UGT8: variants seen among roughly 807,000 people sequenced by gnomAD.
UGT8 encodes UDP glycosyltransferase 8.
Under a neutral mutation model 40.5 loss-of-function variants are expected in UGT8, and 12 were observed. The observed-to-expected ratio is 0.30, with a 90% CI of 0.19 to 0.48. The LOEUF (loss-of-function observed/expected upper bound fraction) is 0.48, where lower values mean the gene tolerates loss of function less well. Ranked by LOEUF, UGT8 falls within the 20% of genes least tolerant of loss-of-function variation. The pLI is 0.99. For synonymous variants in UGT8, 224 were observed against 240.4 expected, an observed-to-expected ratio of 0.93 and a Z score of 0.63; for missense variants, 513 against 648.7, an observed-to-expected ratio of 0.79 and a Z score of 2.27.
At chr4:114,636,529 A>G (rs752811160) in intron 2 of UGT8, among the ~76,000 whole-genome samples, 4 of 152,246 alleles carry the variant, frequency 2.6e-5, no homozygotes, top group Non-Finnish European at 5.9e-5. Flanking sequence ...TGAATGTGGC[A>G]ATATTTAACA....
chr4:114,622,763 T>TG (rs1731900301), intron 1 of UGT8, 116 bp from the exon 2 acceptor site: 2 of 996,406 alleles, frequency 2.0e-6, no homozygotes, highest in South Asian at 3.9e-5. Context: ...TTCATGATTT[T>TG]TTTTTTAGAC....
chr4:114,614,483 T>TTAA (rs1731275569), intron 1 of UGT8, among the ~76,000 whole-genome samples: 2 of 152,186 alleles, frequency 1.3e-5, no homozygotes, highest in African/African-American at 4.8e-5. Context: ...TATGCTCTTT[T>TTAA]AAATGAGTTT....
At chr4:114,622,156 C>T (rs2126097169) in intron 1 of UGT8, among the ~76,000 whole-genome samples, 1 of 142,762 alleles carries the variant, frequency 7.0e-6, no homozygotes, top group East Asian at 2.2e-4. Flanking sequence ...CTCCTGTGTC[C>T]ATGTGTTCCC....
At chr4:114,647,356 T>TTGTGTGTGTGTGTG (rs34575248) in intron 2 of UGT8, among the ~76,000 whole-genome samples, 5 of 143,198 alleles carry the variant, frequency 3.5e-5, no homozygotes, top group Admixed American at 7.0e-5. Flanking sequence ...ATTAGCTCTT[T>TTGTGTGTGTGTGTG]TGTGTGTGTG....
At chr4:114,601,677 T>A (rs1158676540) in intron 1 of UGT8, among the ~76,000 whole-genome samples, 1 of 152,204 alleles carries the variant, frequency 6.6e-6, no homozygotes, top group East Asian at 1.9e-4. Context: ...TATAAGTTAT[T>A]CTTTCTTGTT....
intron 4 of UGT8, 28 bp downstream of exon 4, chr4:114,665,784 T>G: frequency 6.4e-7 from 1 of 1,570,792 alleles, no homozygotes; most frequent in South Asian, 1.2e-5. Flanking sequence ...GGTTACTTAC[T>G]TGGCTGTTAG....
intron 1 of UGT8, among the ~76,000 whole-genome samples, chr4:114,621,895 G>A (rs1731815167): frequency 6.6e-6 from 1 of 151,940 alleles, no homozygotes; most frequent in South Asian, 2.1e-4. Context: ...ACAAATATCA[G>A]GATAATTTTT....
chr4:114,626,201 G>A (rs1485111506), intron 2 of UGT8, among the ~76,000 whole-genome samples: 3 of 152,112 alleles, frequency 2.0e-5, no homozygotes, highest in African/African-American at 7.2e-5. Context: ...ATGAACACAT[G>A]TTCCCACTGA....
chr4:114,628,935 A>C (rs534769340), intron 2 of UGT8, among the ~76,000 whole-genome samples: 1 of 151,108 alleles, frequency 6.6e-6, no homozygotes, highest in East Asian at 2.0e-4. Flanking sequence ...AAGAAAAATG[A>C]AATGAAGAAA....
At chr4:114,600,589 G>GT (rs1422002749) in intron 1 of UGT8, among the ~76,000 whole-genome samples, 1 of 152,084 alleles carries the variant, frequency 6.6e-6, no homozygotes, top group Non-Finnish European at 1.5e-5. Flanking sequence ...ACAGGGGTTT[G>GT]TTTTACATAT....
intron 2 of UGT8, among the ~76,000 whole-genome samples, chr4:114,631,340 A>C (rs1732557452): frequency 6.6e-6 from 1 of 152,068 alleles, no homozygotes. Context: ...AAAAATTAGC[A>C]GGGCGTTGTT....
intron 2 of UGT8, among the ~76,000 whole-genome samples, chr4:114,662,319 T>C (rs1734592425): frequency 6.6e-6 from 1 of 152,206 alleles, no homozygotes; most frequent in South Asian, 2.1e-4. Flanking sequence ...TTCAACCTCA[T>C]GATTACATTG....
intron 1 of UGT8, among the ~76,000 whole-genome samples, chr4:114,604,890 A>G (rs1044216479): frequency 6.6e-6 from 1 of 150,664 alleles, no homozygotes; most frequent in Non-Finnish European, 1.5e-5. Flanking sequence ...GCACTTCTCT[A>G]TTTTGCAGTT....
At chr4:114,634,085 A>T (rs1732742497) in intron 2 of UGT8, among the ~76,000 whole-genome samples, 1 of 152,190 alleles carries the variant, frequency 6.6e-6, no homozygotes, top group Non-Finnish European at 1.5e-5. Flanking sequence ...AAGTGGGATA[A>T]TTCCAAGTAT....
At chr4:114,604,842 C>G (rs1431353095) in intron 1 of UGT8, among the ~76,000 whole-genome samples, 1 of 151,598 alleles carries the variant, frequency 6.6e-6, no homozygotes, top group Non-Finnish European at 1.5e-5. Flanking sequence ...TAATCATATT[C>G]TTTACCTGAA....
chr4:114,646,656 G>A (rs1733590703), intron 2 of UGT8, among the ~76,000 whole-genome samples: 1 of 152,110 alleles, frequency 6.6e-6, no homozygotes, highest in African/African-American at 2.4e-5. Context: ...CCTTGGATAG[G>A]GCATTAGTTC....
intron 1 of UGT8, among the ~76,000 whole-genome samples, chr4:114,615,000 C>T (rs559302358): frequency 6.6e-6 from 1 of 152,084 alleles, no homozygotes; most frequent in African/African-American, 2.4e-5. Flanking sequence ...TAATAGCCAC[C>T]ATAAATAACT....
chr4:114,647,001 C>G (rs1222743088), intron 2 of UGT8, among the ~76,000 whole-genome samples: 1 of 152,108 alleles, frequency 6.6e-6, no homozygotes, highest in Non-Finnish European at 1.5e-5. Context: ...CGGATTTAGT[C>G]TGAACTCTTC....
chr4:114,639,271 T>C lies in UGT8; in HGVS notation c.822+15569T>C, dbSNP rs79784524. On this transcript the variant is annotated intron_variant, in intron 2 of 5. Coordinates refer to ENST00000310836, the MANE Select transcript of UGT8 (RefSeq NM_001128174.3). The stretch of plus-strand genomic sequence containing the variant: ...CATTCATCAATTCTCTCAGCAAATA[T>C]ATATTCAGTATCAGGACCTATTCCA... Among the ~76,000 whole-genome samples, 635 of 152,306 alleles carry C rather than the reference T, an allele frequency of 4.2e-3. 3 individuals carry two copies. The highest frequency in any genetic ancestry group is 6.6e-3 in the Non-Finnish European group (446 of 68,020).
Sources: allele counts gnomAD v4.1 joint callset (sites outside exome capture counted in the v4.1 genomes callset), GRCh38; gene constraint gnomAD v4.1.1; transcripts MANE v1.5; gene names NCBI Gene and HGNC (gene_info 2026-07-23, HGNC 2026-07-21).